The following DPYSL4 variants were observed in gnomAD, a reference collection of about 807,000 sequenced individuals.
DPYSL4 encodes the protein dihydropyrimidinase-related protein 4.
Under a neutral mutation model 63.4 loss-of-function variants are expected in DPYSL4, and 43 were observed. That is an observed-to-expected ratio of 0.68 (90% confidence interval 0.53 to 0.88). The LOEUF is 0.88. Among genes scored for constraint, DPYSL4 ranks in the 40% least tolerant of loss-of-function variants. DPYSL4 has a pLI of 0.00. For missense variants in DPYSL4, 733 were observed against 819.5 expected, an observed-to-expected ratio of 0.89 and a Z score of 1.29; for synonymous variants, 353 against 331.7, an observed-to-expected ratio of 1.06 and a Z score of -0.70.
intron 2 of DPYSL4, 101 bp from the exon 3 acceptor site, chr10:132,192,557 C>G: frequency 6.8e-7 from 1 of 1,479,662 alleles, no homozygotes; most frequent in South Asian, 1.4e-5. Context: ...TCCTCGGGGT[C>G]TGGAGCTCAT....
Position 132,192,640 on chromosome 10 carries a change from A to T in DPYSL4, c.129-18A>T. 3.8e-6 allele frequency: 6 copies of T among 1,586,678 alleles called. No homozygotes were observed. Among genetic ancestry groups the T allele is most frequent in the Non-Finnish European group, 5.2e-6 (6 of 1,164,930 alleles). On this transcript the variant is annotated intron_variant, in intron 2 of 13. Coordinates refer to ENST00000338492, the MANE Select transcript of DPYSL4 (RefSeq NM_006426.3). Reference sequence around the variant, plus strand: ...GACCTGGGCTCCCTGTAACCAGTGAAATCTCTGCTGCTTTCAGACAAATCG... The same window carrying T: ...GACCTGGGCTCCCTGTAACCAGTGATATCTCTGCTGCTTTCAGACAAATCG...
At chr10:132,188,430 T>TC (rs2061832994) in intron 1 of DPYSL4, among the ~76,000 whole-genome samples, 1 of 152,094 alleles carries the variant, frequency 6.6e-6, no homozygotes, top group African/African-American at 2.4e-5. Flanking sequence ...AATGCGTGGG[T>TC]CCCCTGGGAG....
intron 3 of DPYSL4, among the ~76,000 whole-genome samples, chr10:132,193,477 G>C (rs1202063390): frequency 6.6e-6 from 1 of 152,236 alleles, no homozygotes; most frequent in Non-Finnish European, 1.5e-5. Context: ...AGGTGGGTGA[G>C]TGGAGTCCGC....
intron 4 of DPYSL4, among the ~76,000 whole-genome samples, 155 bp downstream of exon 4, chr10:132,195,164 C>G (rs754590338): frequency 6.6e-6 from 1 of 152,144 alleles, no homozygotes; most frequent in Non-Finnish European, 1.5e-5. Flanking sequence ...AGGCCCATCC[C>G]ACCTTCAAAG....
At position 132,186,994 on chromosome 10, in the gene DPYSL4, T is replaced by TCCGGCC. The variant is rs1304489463; in HGVS notation, c.-68_-67insGGCCCC. ...CCACGCACGCGTCCCGGCTCACGCG[T>TCCGGCC]CCCCCCGCCCGCCCGCCCGCCCGCC... On this transcript the variant is annotated 5_prime_UTR_variant, in exon 1 of 14. Transcript: ENST00000338492. 234 of 218,938 alleles carry TCCGGCC rather than the reference T, an allele frequency of 1.1e-3. 1 individual carries two copies. Among genetic ancestry groups the TCCGGCC allele is most frequent in the South Asian group, 3.6e-3 (48 of 13,460 alleles). 13.6% of individuals were successfully genotyped at this position (218,938 alleles called of 1,614,324 possible).
At chr10:132,192,863 C>G in intron 3 of DPYSL4, 21 bp downstream of exon 3, 1 of 1,585,332 alleles carries the variant, frequency 6.3e-7, no homozygotes, top group South Asian at 1.1e-5. Context: ...GGGTCTCCTC[C>G]TCTACAGGGG....
chr10:132,197,592 C>G (rs1340513376), intron 6 of DPYSL4, among the ~76,000 whole-genome samples: 1 of 152,248 alleles, frequency 6.6e-6, no homozygotes, highest in Non-Finnish European at 1.5e-5. Context: ...GTTTTCCCCT[C>G]TAGCAGAGGC....
chr10:132,199,441 G>A (rs968780897), intron 8 of DPYSL4, among the ~76,000 whole-genome samples: 4 of 152,034 alleles, frequency 2.6e-5, no homozygotes, highest in South Asian at 2.1e-4. Context: ...GATTGGCAGC[G>A]GCTTGACTGT....
At chr10:132,195,115 T>C (rs1413065817) in intron 4 of DPYSL4, 106 bp downstream of exon 4, 17 of 1,322,876 alleles carry the variant, frequency 1.3e-5, no homozygotes, top group Non-Finnish European at 1.7e-5. Context: ...TGGGGGCTGG[T>C]GTCCAGGTTT....
intron 12 of DPYSL4, chr10:132,203,436 G>C: frequency 5.1e-6 from 2 of 395,028 alleles, no homozygotes; most frequent in South Asian, 9.5e-5. Context: ...GCACACACAA[G>C]TGCACGTGGG....
rs1565034490 is a variant in DPYSL4, at chr10:132,187,009, GCC to G, written c.-53_-52del. On this transcript the variant is annotated 5_prime_UTR_variant, in exon 1 of 14. Transcript: ENST00000338492. Reference sequence around the variant, plus strand: ...GGCTCACGCGTCCCCCCGCCCGCCCGCCCGCCCGCCCGCCCCCGCTTGTGCCG... The same window carrying G: ...GGCTCACGCGTCCCCCCGCCCGCCCGCGCCCGCCCGCCCCCGCTTGTGCCG... 1.2e-4 allele frequency: 9 copies of G among 72,304 alleles called. No individual in the cohort carries two copies. The highest frequency in any genetic ancestry group is 2.4e-4 in the Non-Finnish European group (9 of 37,498). The allele number at this position is 72,304 out of a possible 1,614,324, so 4.5% of individuals were successfully genotyped here.
intron 6 of DPYSL4, 32 bp downstream of exon 6, chr10:132,197,133 CACAGGGGCTGCCGTGGG>C (rs1454257929): frequency 2.3e-5 from 33 of 1,460,224 alleles, no homozygotes; most frequent in Non-Finnish European, 2.7e-5. Flanking sequence ...GTGGGGCAGG[CACAGGGGCTGCCGTGGG>C]GCAGGGGCTG....
At chr10:132,192,627 C>T (rs2137503998) in intron 2 of DPYSL4, 31 bp from the exon 3 acceptor site, 1 of 1,576,084 alleles carries the variant, frequency 6.3e-7, no homozygotes, top group Middle Eastern at 1.7e-4. Flanking sequence ...CCTGGGCTCC[C>T]TGTAACCAGT....
Position 132,198,450 on chromosome 10 carries a change from C to T in DPYSL4, c.657C>T (p.Gly219=), listed in dbSNP as rs1177289097. The T allele has an allele frequency of 1.2e-6, 2 of 1,606,890 alleles. No individual in the cohort carries two copies. The highest frequency in any genetic ancestry group is 1.7e-5 in the Admixed American group (1 of 59,472). Residue 219 remains glycine (G), a synonymous_variant, in exon 7 of 14, where the codon GGC becomes GGT. Coordinates refer to ENST00000338492, the MANE Select transcript of DPYSL4 (RefSeq NM_006426.3). Reference sequence around the variant, plus strand: ...GGTTGCTGGAGCTCGGCATCACTGGCCCCGAGGGCCACGTGCTCAGCCACC... The same window carrying T: ...GGTTGCTGGAGCTCGGCATCACTGGTCCCGAGGGCCACGTGCTCAGCCACC... ...QKRLLELGIT[G]PEGHVLSHPE...
chr10:132,194,079 AC>A (rs1364465896), intron 3 of DPYSL4, among the ~76,000 whole-genome samples: 1 of 151,984 alleles, frequency 6.6e-6, no homozygotes, highest in Admixed American at 6.6e-5. Flanking sequence ...CACCACAGAC[AC>A]GAGGCTGGCC....
At chr10:132,203,962 G>T (rs777319279) in intron 13 of DPYSL4, 35 bp downstream of exon 13, 7 of 1,571,324 alleles carry the variant, frequency 4.5e-6, no homozygotes, top group Non-Finnish European at 6.1e-6. Flanking sequence ...GGGGGTGAGG[G>T]GCTCTGCCGG....
Position 132,204,951 on chromosome 10 carries a change from G to T in DPYSL4, c.*21G>T. The T allele has an allele frequency of 6.3e-7, 1 of 1,598,648 alleles. No homozygotes were observed. The highest frequency in any genetic ancestry group is 8.5e-7 in the Non-Finnish European group (1 of 1,171,694). ...CCTAGACGCCCAGGACCGGCCCTGT[G>T]AGCCGTGCTGGCCCCACCCGAGGCC... On this transcript the variant is annotated 3_prime_UTR_variant, in exon 14 of 14. Transcript: ENST00000338492.
chr10:132,204,029 G>T, intron 13 of DPYSL4, 102 bp downstream of exon 13: 2 of 1,428,280 alleles, frequency 1.4e-6, no homozygotes, highest in Non-Finnish European at 1.9e-6. Context: ...GCTGCACACG[G>T]AAGGCACCCA....
rs2062025341 is a variant in DPYSL4, at chr10:132,202,063, G to A, written c.1228G>A (p.Val410Ile). 1.9e-6 allele frequency: 3 copies of A among 1,613,224 alleles called. No individual in the cohort carries two copies. Among genetic ancestry groups the A allele is most frequent in the Admixed American group, 1.7e-5 (1 of 60,014 alleles). Residue 410 changes from valine to isoleucine, a missense_variant, in exon 11 of 14, where the codon GTC becomes ATC. By Grantham distance (29) the Val-to-Ile change is conservative. Coordinates refer to ENST00000338492, the MANE Select transcript of DPYSL4 (RefSeq NM_006426.3). ...RVAVGSDADL[V>I]IWNPKATKII... The stretch of plus-strand genomic sequence containing the variant: ...GGCTGTGGGCTCTGACGCTGACCTG[G>A]TCATATGGAACCCCAAGGCCACCAA...
Sources: gnomAD v4.1 joint callset for allele counts (sites outside exome capture counted in the v4.1 genomes callset) on GRCh38, gnomAD v4.1.1 for gene constraint, MANE v1.5 for transcripts, NCBI Gene and HGNC (gene_info 2026-07-23, HGNC 2026-07-21) for gene names.